Variants in TSPAN9 observed in about 807,000 individuals in gnomAD.
TSPAN9 encodes tetraspanin-9.
In TSPAN9, 16 loss-of-function variants were observed where a neutral mutation model predicts 31.0. That is an observed-to-expected ratio of 0.52 (90% CI 0.35 to 0.78). The LOEUF is 0.78. TSPAN9 is among the 30% of genes least tolerant of loss of function. TSPAN9 has a pLI of 0.01. For missense variants in TSPAN9, 272 were observed against 312.5 expected, an observed-to-expected ratio of 0.87 and a Z score of 0.98; for synonymous variants, 145 against 121.6, an observed-to-expected ratio of 1.19 and a Z score of -1.27.
At chr12:3,096,601 C>G (rs1186448439) in intron 2 of TSPAN9, among the ~76,000 whole-genome samples, 2 of 149,568 alleles carry the variant, frequency 1.3e-5, no homozygotes, top group Non-Finnish European at 3.0e-5. Context: ...TCCATTTCCC[C>G]AGGACACTTA....
intron 2 of TSPAN9, among the ~76,000 whole-genome samples, chr12:3,091,232 C>T (rs1364094550): frequency 6.6e-6 from 1 of 152,262 alleles, no homozygotes; most frequent in Non-Finnish European, 1.5e-5. Context: ...AGGCTTCCTC[C>T]GCATCCGCTC....
At position 3,107,907 on chromosome 12, in the gene TSPAN9, C is replaced by A. The variant is rs1041201939; in HGVS notation, c.-18+24188C>A. On this transcript the variant is annotated intron_variant, in intron 2 of 8. Coordinates refer to ENST00000011898, the MANE Select transcript of TSPAN9 (RefSeq NM_006675.5). This position sits in a 1 kb window ranked among gnomAD's most constrained non-coding sequence, Gnocchi z 4.1. ...CCAAGCCTTTGCACATATTCCTGCT[C>A]CCTGGACCAACCTCGTGCTATTTAT... 2.0e-5 allele frequency among the ~76,000 whole-genome samples: 3 copies of A among 152,160 alleles called. No individual in the cohort carries two copies. The highest frequency in any genetic ancestry group is 1.3e-4 in the Admixed American group (2 of 15,278).
At chr12:3,244,604 C>T (rs1287786789) in intron 3 of TSPAN9, among the ~76,000 whole-genome samples, 5 of 152,216 alleles carry the variant, frequency 3.3e-5, no homozygotes, top group Non-Finnish European at 7.3e-5. Context: ...CACCGGACCA[C>T]GCGCTGCAGG....
At chr12:3,095,755 G>T (rs1278034830) in intron 2 of TSPAN9, among the ~76,000 whole-genome samples, 5 of 147,182 alleles carry the variant, frequency 3.4e-5, no homozygotes, top group East Asian at 4.0e-4. Context: ...GGGCAGAGAC[G>T]CTCCTCACTT....
At position 3,084,602 on chromosome 12, in the gene TSPAN9, A is replaced by T. The variant is rs138072638; in HGVS notation, c.-18+883A>T. On this transcript the variant is annotated intron_variant, in intron 2 of 8. Coordinates refer to ENST00000011898, the MANE Select transcript of TSPAN9 (RefSeq NM_006675.5). The stretch of plus-strand genomic sequence containing the variant: ...CCATGCCTTGCACGTTATACTTAGG[A>T]TGCCAGTATTCATATTTGTCATCAT... Among the ~76,000 whole-genome samples the T allele has an allele frequency of 3.3e-4, 50 of 152,288 alleles. 1 individual carries two copies. The highest frequency in any genetic ancestry group is 1.1e-3 in the African/African-American group (45 of 41,548).
chr12:3,274,234 T>C (rs1862741987), intron 3 of TSPAN9, among the ~76,000 whole-genome samples: 1 of 152,156 alleles, frequency 6.6e-6, no homozygotes, highest in Non-Finnish European at 1.5e-5. Flanking sequence ...GGGAGCAGAA[T>C]TGCTCCTGAT....
intron 8 of TSPAN9, among the ~76,000 whole-genome samples, chr12:3,282,608 C>T (rs554077603): frequency 6.6e-6 from 1 of 152,278 alleles, no homozygotes; most frequent in South Asian, 2.1e-4. Flanking sequence ...CTCTATTGCC[C>T]AGGCCGATCT....
chr12:3,210,364 A>G (rs2098377999), intron 3 of TSPAN9, among the ~76,000 whole-genome samples: 1 of 152,190 alleles, frequency 6.6e-6, no homozygotes, highest in Non-Finnish European at 1.5e-5. Flanking sequence ...TCTCCAGTAC[A>G]GTGGATGTAA....
At chr12:3,204,308 G>A (rs2098373701) in intron 3 of TSPAN9, among the ~76,000 whole-genome samples, 1 of 152,212 alleles carries the variant, frequency 6.6e-6, no homozygotes, top group South Asian at 2.1e-4. Context: ...TTCCCATGTG[G>A]AAGAGAGGTG....
chr12:3,105,960 C>T (rs1282876645), intron 2 of TSPAN9, among the ~76,000 whole-genome samples: 1 of 152,140 alleles, frequency 6.6e-6, no homozygotes, highest in Non-Finnish European at 1.5e-5. Flanking sequence ...CTTACCCTCA[C>T]GTGCTCATTC....
chr12:3,145,658 C>T (rs1291756123), intron 2 of TSPAN9, among the ~76,000 whole-genome samples: 2 of 151,668 alleles, frequency 1.3e-5, no homozygotes, highest in African/African-American at 4.8e-5. Flanking sequence ...CCCAGCAGTC[C>T]TCTCTGCCAG....
chr12:3,081,832 G>GTATATATATA (rs1190118465), intron 1 of TSPAN9, among the ~76,000 whole-genome samples: 1 of 28,126 alleles, frequency 3.6e-5, no homozygotes, highest in African/African-American at 2.3e-4. Context: ...GTGTGTGTGT[G>GTATATATATA]TGTCTGTGTG....
intron 3 of TSPAN9, among the ~76,000 whole-genome samples, chr12:3,246,031 G>T (rs1232289051): frequency 1.3e-5 from 2 of 151,888 alleles, no homozygotes; most frequent in Non-Finnish European, 1.5e-5. Flanking sequence ...AAAGAAAAGA[G>T]GTTTAATTGG....
At chr12:3,200,768 C>A (rs1345459796) in intron 2 of TSPAN9, 1 of 153,730 alleles carries the variant, frequency 6.5e-6, no homozygotes, top group South Asian at 2.1e-4. Flanking sequence ...CCCCTGGGCG[C>A]GGGGTTCGGC....
chr12:3,247,935 T>C (rs1413778123), intron 3 of TSPAN9, among the ~76,000 whole-genome samples: 1 of 152,206 alleles, frequency 6.6e-6, no homozygotes, highest in Non-Finnish European at 1.5e-5. Context: ...GCATGTACCT[T>C]CTGTGTGTGC....
At chr12:3,205,718 G>C (rs76133631) in intron 3 of TSPAN9, among the ~76,000 whole-genome samples, 1 of 100,684 alleles carries the variant, frequency 9.9e-6, no homozygotes, top group Non-Finnish European at 2.3e-5. Context: ...AGGCACTTAG[G>C]CCCCCCCCCC....
chr12:3,164,478 G>C (rs141803849), intron 2 of TSPAN9, among the ~76,000 whole-genome samples: 2 of 152,268 alleles, frequency 1.3e-5, no homozygotes, highest in African/African-American at 4.8e-5. Context: ...AGCTCACTCT[G>C]GTCTTCTTTA....
At chr12:3,087,529 C>T (rs907007287) in intron 2 of TSPAN9, among the ~76,000 whole-genome samples, 1 of 151,778 alleles carries the variant, frequency 6.6e-6, no homozygotes, top group Non-Finnish European at 1.5e-5. Flanking sequence ...GAAAAGGGTC[C>T]GGGCATGGTG....
At chr12:3,263,237 A>T (rs1029213346) in intron 3 of TSPAN9, among the ~76,000 whole-genome samples, 1 of 152,154 alleles carries the variant, frequency 6.6e-6, no homozygotes, top group East Asian at 1.9e-4. Context: ...AGGGCTTTGG[A>T]TATTATTAGT....
Sources: gnomAD v4.1 joint callset for allele counts (sites outside exome capture counted in the v4.1 genomes callset) on GRCh38, gnomAD v4.1.1 for gene constraint, Gnocchi (gnomAD v3.1) non-coding constraint, MANE v1.5 for transcripts, NCBI Gene and HGNC (gene_info 2026-07-23, HGNC 2026-07-21) for gene names.